CTIF: variants seen among roughly 807,000 people sequenced by gnomAD.
CTIF encodes CBP80/20-dependent translation initiation factor.
CTIF carries 21 observed loss-of-function variants against 66.0 expected under a neutral mutation model. That is an observed-to-expected ratio of 0.32 (90% CI 0.23 to 0.46). The LOEUF (loss-of-function observed/expected upper bound fraction) is 0.46. Ranked by LOEUF, CTIF falls within the 20% of genes least tolerant of loss-of-function variation. The pLI, the probability that CTIF is intolerant of heterozygous loss-of-function variation, is 1.00. For missense variants in CTIF, 739 were observed against 812.7 expected (o/e 0.91, Z 1.10); for synonymous variants, 345 against 326.4 (o/e 1.06, Z -0.62).
At chr18:48,844,129 G>A (rs933702887) in intron 10 of CTIF, among the ~76,000 whole-genome samples, 1 of 152,234 alleles carries the variant, frequency 6.6e-6, no homozygotes, top group Non-Finnish European at 1.5e-5. Flanking sequence ...GGCATTTCCT[G>A]TTCACTCCTC....
chr18:48,793,851 C>T (rs1175913022), intron 9 of CTIF, among the ~76,000 whole-genome samples: 1 of 152,202 alleles, frequency 6.6e-6, no homozygotes, highest in Non-Finnish European at 1.5e-5. Flanking sequence ...GGGGGAAAAG[C>T]CTGATTTCCA....
At chr18:48,784,340 C>G (rs1345342258) in intron 9 of CTIF, among the ~76,000 whole-genome samples, 1 of 152,230 alleles carries the variant, frequency 6.6e-6, no homozygotes, top group Non-Finnish European at 1.5e-5. Flanking sequence ...AATACAGGAG[C>G]ATGAGCAGAG....
At chr18:48,620,097 C>T (rs762556306) in intron 2 of CTIF, among the ~76,000 whole-genome samples, 4 of 152,304 alleles carry the variant, frequency 2.6e-5, no homozygotes, top group South Asian at 2.1e-4. Flanking sequence ...CTGGAGGTTT[C>T]GCTTCTCCAT....
chr18:48,669,208 C>G (rs1353581896), intron 5 of CTIF, among the ~76,000 whole-genome samples: 6 of 151,648 alleles, frequency 4.0e-5, no homozygotes, highest in Admixed American at 3.9e-4. Context: ...TTTTGGTTCA[C>G]AAGGCCCAAA....
At chr18:48,651,075 A>C (rs2091146938) in intron 3 of CTIF, among the ~76,000 whole-genome samples, 1 of 152,214 alleles carries the variant, frequency 6.6e-6, no homozygotes, top group South Asian at 2.1e-4. Flanking sequence ...GCTAGGAAGA[A>C]ACTGCATCAA....
At chr18:48,561,656 C>G (rs2089167388) in intron 1 of CTIF, among the ~76,000 whole-genome samples, 1 of 152,230 alleles carries the variant, frequency 6.6e-6, no homozygotes, top group African/African-American at 2.4e-5. Flanking sequence ...GTCACTTTTT[C>G]TCAGGGTGTC....
chr18:48,774,683 C>T (rs1326501798), intron 9 of CTIF, among the ~76,000 whole-genome samples: 3 of 152,164 alleles, frequency 2.0e-5, no homozygotes, highest in Non-Finnish European at 2.9e-5. Context: ...TCTGTATGCA[C>T]CCAGGTCATT....
Position 48,755,765 on chromosome 18 carries a change from G to A in CTIF, c.585-2154G>A, listed in dbSNP as rs937621715. ...CTGAGAAGGGCCCAGGGTATGCCTA[G>A]TCAGCAGGATTCAGTTCAGGGTACC... On this transcript the variant is annotated intron_variant, in intron 7 of 11. Coordinates refer to ENST00000256413, the MANE Select transcript of CTIF (RefSeq NM_014772.3). 5.1e-4 allele frequency: 78 copies of A among 152,212 alleles called. 2 individuals carry two copies. The highest frequency in any genetic ancestry group is 5.1e-3 in the Admixed American group (78 of 15,292). The allele number at this position is 152,212 out of a possible 1,614,324, so 9.4% of individuals were successfully genotyped here.
At position 48,853,720 on chromosome 18, in the gene CTIF, C is replaced by T. The variant is rs58226057; in HGVS notation, c.1528-3868C>T. On this transcript the variant is annotated intron_variant, in intron 10 of 11. Coordinates refer to ENST00000256413, the MANE Select transcript of CTIF (RefSeq NM_014772.3). The stretch of plus-strand genomic sequence containing the variant: ...CCTGGAGCCTGCACCCTAGTTTGGC[C>T]TGCAGCCAAGCCTGCCGTGGGTCCT... Among the ~76,000 whole-genome samples, 614 of 152,368 alleles carry T rather than the reference C, an allele frequency of 4.0e-3. 1 individual carries two copies. The highest frequency in any genetic ancestry group is 0.014 in the African/African-American group (580 of 41,588).
At chr18:48,731,273 C>T (rs755843642) in intron 7 of CTIF, among the ~76,000 whole-genome samples, 5 of 152,134 alleles carry the variant, frequency 3.3e-5, no homozygotes, top group Admixed American at 6.5e-5. Flanking sequence ...ACCAGGACCC[C>T]CAAGAGCTGT....
intron 9 of CTIF, among the ~76,000 whole-genome samples, chr18:48,785,642 T>C (rs1911637051): frequency 6.6e-6 from 1 of 152,162 alleles, no homozygotes; most frequent in African/African-American, 2.4e-5. Context: ...TGGGGATTCT[T>C]AACAGACTCC....
chr18:48,696,510 G>T (rs545478463), intron 6 of CTIF, among the ~76,000 whole-genome samples: 19 of 152,184 alleles, frequency 1.2e-4, no homozygotes, highest in Non-Finnish European at 2.5e-4. Context: ...TATGGGTACC[G>T]ACACCGCTCT....
At chr18:48,770,505 A>G (rs1910001218) in intron 9 of CTIF, among the ~76,000 whole-genome samples, 1 of 152,108 alleles carries the variant, frequency 6.6e-6, no homozygotes, top group African/African-American at 2.4e-5. Flanking sequence ...GACAAAAGTC[A>G]CTCCTTTCCC....
chr18:48,739,447 G>A (rs188426624), intron 7 of CTIF, among the ~76,000 whole-genome samples: 2 of 152,342 alleles, frequency 1.3e-5, no homozygotes, highest in Admixed American at 6.5e-5. Context: ...CACTCACCTG[G>A]TGGGGTGTGG....
chr18:48,638,931 C>CT (rs2090875953), intron 3 of CTIF, among the ~76,000 whole-genome samples: 1 of 152,206 alleles, frequency 6.6e-6, no homozygotes, highest in Non-Finnish European at 1.5e-5. Context: ...GAGGGACCTC[C>CT]TACAGGCCTT....
At chr18:48,847,342 C>T (rs1212201996) in intron 10 of CTIF, among the ~76,000 whole-genome samples, 1 of 151,690 alleles carries the variant, frequency 6.6e-6, no homozygotes, top group African/African-American at 2.4e-5. Flanking sequence ...GAGCTCCAAC[C>T]AGCAAAATAA....
At chr18:48,800,530 A>G (rs960054678) in intron 9 of CTIF, among the ~76,000 whole-genome samples, 4 of 152,096 alleles carry the variant, frequency 2.6e-5, no homozygotes, top group African/African-American at 9.7e-5. Flanking sequence ...GCTGACTCCA[A>G]CACCCACCAT....
At chr18:48,752,953 T>C (rs1907981316) in intron 7 of CTIF, among the ~76,000 whole-genome samples, 3 of 151,874 alleles carry the variant, frequency 2.0e-5, no homozygotes. Flanking sequence ...CAAACTGGGG[T>C]GGGTGTGTGT....
chr18:48,720,872 C>A (rs1033434724), intron 7 of CTIF, among the ~76,000 whole-genome samples: 3 of 152,206 alleles, frequency 2.0e-5, no homozygotes, highest in African/African-American at 7.2e-5. Context: ...CCACAACTCA[C>A]CCATGAGGGA....
Sources: allele counts gnomAD v4.1 joint callset (sites outside exome capture counted in the v4.1 genomes callset), GRCh38; gene constraint gnomAD v4.1.1; transcripts MANE v1.5; gene names NCBI Gene and HGNC (gene_info 2026-07-23, HGNC 2026-07-21).